Variants in TBXAS1 observed in about 807,000 individuals in gnomAD.
The protein encoded by TBXAS1 is thromboxane A synthase 1, also known as thromboxane-A synthase.
Under a neutral mutation model 60.7 loss-of-function variants are expected in TBXAS1, and 48 were observed. That is an observed-to-expected ratio of 0.79 (90% CI 0.63 to 1.01). The LOEUF is 1.01. TBXAS1 is among the 50% of genes least tolerant of loss of function. The pLI is 0.00. For synonymous variants in TBXAS1, 287 were observed against 269.7 expected (o/e 1.06, Z -0.63); for missense variants, 685 against 686.3 (o/e 1.00, Z 0.02).
chr7:139,820,186 G>A (rs892673553), intron 4 of TBXAS1, among the ~76,000 whole-genome samples: 3 of 152,040 alleles, frequency 2.0e-5, no homozygotes, highest in East Asian at 1.9e-4. Flanking sequence ...CAGTCAAGCC[G>A]TCTGCTGACT....
At chr7:139,811,526 G>T (rs1379472107) in intron 4 of TBXAS1, among the ~76,000 whole-genome samples, 1 of 152,208 alleles carries the variant, frequency 6.6e-6, no homozygotes, top group African/African-American at 2.4e-5. Flanking sequence ...TGGTTCCCTG[G>T]CATGACTGGG....
intron 10 of TBXAS1, among the ~76,000 whole-genome samples, chr7:140,015,489 A>C (rs1258154065): frequency 1.3e-5 from 2 of 152,182 alleles, no homozygotes; most frequent in Non-Finnish European, 2.9e-5. Flanking sequence ...TCAAGGACCA[A>C]GTGAGCCTAG....
intron 3 of TBXAS1, among the ~76,000 whole-genome samples, chr7:139,889,238 A>T (rs1803363597): frequency 6.6e-6 from 1 of 151,850 alleles, no homozygotes. Flanking sequence ...GGAGGCTGAG[A>T]TAGGAGGATC....
intron 1 of TBXAS1, among the ~76,000 whole-genome samples, chr7:139,847,134 A>G (rs1192217765): frequency 1.3e-5 from 2 of 152,142 alleles, no homozygotes; most frequent in East Asian, 1.9e-4. Flanking sequence ...AAGAAAATCT[A>G]TTTCTTGAAA....
At chr7:139,857,706 G>A (rs188638175) in intron 1 of TBXAS1, among the ~76,000 whole-genome samples, 35 of 151,522 alleles carry the variant, frequency 2.3e-4, no homozygotes, top group African/African-American at 7.0e-4. Flanking sequence ...GGGATTGGCT[G>A]GCTGGATTTT....
chr7:139,800,509 G>A (rs540635265), intron 4 of TBXAS1, among the ~76,000 whole-genome samples: 1 of 151,880 alleles, frequency 6.6e-6, no homozygotes, highest in Non-Finnish European at 1.5e-5. Flanking sequence ...CCCACTTCCC[G>A]CCACTATTCT....
chr7:139,937,704 G>A (rs1454718307), intron 5 of TBXAS1, among the ~76,000 whole-genome samples: 1 of 152,168 alleles, frequency 6.6e-6, no homozygotes. Context: ...GAGGAAACTA[G>A]GCACGGAGAG....
chr7:139,922,347 C>G (rs1244385137), intron 4 of TBXAS1, among the ~76,000 whole-genome samples: 2 of 151,954 alleles, frequency 1.3e-5, no homozygotes, highest in Non-Finnish European at 2.9e-5. Context: ...GGTGATCTGC[C>G]CACCTTCACC....
At chr7:139,843,560 C>A (rs1422397709) in intron 1 of TBXAS1, among the ~76,000 whole-genome samples, 1 of 152,130 alleles carries the variant, frequency 6.6e-6, no homozygotes, top group Non-Finnish European at 1.5e-5. Flanking sequence ...CCAGTCTGGT[C>A]TCGAACTCCT....
chr7:139,926,164 G>A (rs532553785), intron 4 of TBXAS1, among the ~76,000 whole-genome samples: 1 of 152,186 alleles, frequency 6.6e-6, no homozygotes, highest in African/African-American at 2.4e-5. Context: ...CTGGCCTCCT[G>A]GAGTGACTTT....
intron 3 of TBXAS1, among the ~76,000 whole-genome samples, chr7:139,785,364 C>A (rs1054678907): frequency 6.6e-6 from 1 of 152,110 alleles, no homozygotes; most frequent in Admixed American, 6.5e-5. Context: ...ACACTGCTAC[C>A]AAATGGAACT....
intron 9 of TBXAS1, among the ~76,000 whole-genome samples, chr7:139,969,029 T>C (rs543127773): frequency 3.9e-5 from 6 of 152,362 alleles, no homozygotes; most frequent in African/African-American, 1.4e-4. Flanking sequence ...GTTGAAATTA[T>C]TGACTTTTGA....
chr7:139,878,811 C>T (rs1292966930), intron 3 of TBXAS1, among the ~76,000 whole-genome samples: 1 of 152,152 alleles, frequency 6.6e-6, no homozygotes, highest in Non-Finnish European at 1.5e-5. Flanking sequence ...GAAATATAAT[C>T]AATCCCAGCT....
At chr7:139,829,253 T>G, upstream of TBXAS1, 1 of 757,702 alleles carries the variant, frequency 1.3e-6, no homozygotes, top group Non-Finnish European at 2.3e-6. Context: ...AAGAGCACAT[T>G]GTGGGGGCCC....
At chr7:139,826,585 G>A (rs1245958825), upstream of TBXAS1, among the ~76,000 whole-genome samples, 5 of 152,114 alleles carry the variant, frequency 3.3e-5, no homozygotes, top group African/African-American at 4.8e-5. Context: ...TGGCTTCCAC[G>A]TTTGAATATA....
intron 12 of TBXAS1, 145 bp downstream of exon 12, chr7:140,017,978 C>G (rs1435607483): frequency 3.8e-6 from 4 of 1,063,354 alleles, no homozygotes; most frequent in Non-Finnish European, 5.5e-6. Flanking sequence ...CTCTCGGCCT[C>G]AGTTTCTTGA....
chr7:140,010,073 A>C (rs1288524130), intron 10 of TBXAS1, among the ~76,000 whole-genome samples: 1 of 117,820 alleles, frequency 8.5e-6, no homozygotes, highest in African/African-American at 3.3e-5. Context: ...CCTGCTCCAC[A>C]CCCACACCAC....
chr7:139,870,522 C>T (rs891477671), intron 1 of TBXAS1, among the ~76,000 whole-genome samples: 2 of 152,144 alleles, frequency 1.3e-5, no homozygotes, highest in Non-Finnish European at 2.9e-5. Flanking sequence ...ACATTATGGT[C>T]CACTTGAAAG....
At chr7:139,823,724 G>A (rs1388181172) in intron 4 of TBXAS1, among the ~76,000 whole-genome samples, 1 of 152,120 alleles carries the variant, frequency 6.6e-6, no homozygotes, top group Non-Finnish European at 1.5e-5. Context: ...CAAAAGATTC[G>A]GGCTTGAGCC....
Sources: gnomAD v4.1 joint callset for allele counts (sites outside exome capture counted in the v4.1 genomes callset) on GRCh38, gnomAD v4.1.1 for gene constraint, MANE v1.5 for transcripts, NCBI Gene and HGNC (gene_info 2026-07-23, HGNC 2026-07-21) for gene names.